RANBP17: variants seen among roughly 807,000 people sequenced by gnomAD.
The protein encoded by RANBP17 is ran-binding protein 17.
RANBP17 carries 158 observed loss-of-function variants against 141.2 expected under a neutral mutation model. The observed-to-expected ratio is 1.12, with a 90% confidence interval of 0.98 to 1.28. The LOEUF (loss-of-function observed/expected upper bound fraction) is 1.28, where lower values mean the gene tolerates loss of function less well. RANBP17 is among the 50% of genes most tolerant of loss of function. The pLI is 0.00. For missense variants in RANBP17, 1,438 were observed against 1,290.7 expected (o/e 1.11, Z -1.75); for synonymous variants, 430 against 450.0 (o/e 0.96, Z 0.56).
chr5:170,971,519 T>C (rs568591887), intron 14 of RANBP17, among the ~76,000 whole-genome samples: 3 of 152,316 alleles, frequency 2.0e-5, no homozygotes, highest in South Asian at 4.1e-4. Context: ...CTGACCACTT[T>C]GGTATATTGC....
Position 171,056,196 on chromosome 5 carries a change from C to T in RANBP17, c.1710+87819C>T, listed in dbSNP as rs192773618. Reference sequence around the variant, plus strand: ...TCCATGCAGTTAACTCCTGTCCTGACTTATCATCACCAACATTTCAGCTCT... The same window carrying T: ...TCCATGCAGTTAACTCCTGTCCTGATTTATCATCACCAACATTTCAGCTCT... On this transcript the variant is annotated intron_variant, in intron 14 of 27. Coordinates refer to ENST00000523189, the MANE Select transcript of RANBP17 (RefSeq NM_022897.5). 1.3e-3 allele frequency among the ~76,000 whole-genome samples: 201 copies of T among 152,300 alleles called. 4 individuals carry two copies. Among genetic ancestry groups the T allele is most frequent in the East Asian group, 1.3e-3 (7 of 5,190 alleles).
intron 14 of RANBP17, among the ~76,000 whole-genome samples, chr5:171,035,737 G>GTTTT (rs781327156): frequency 3.1e-5 from 3 of 95,394 alleles, no homozygotes; most frequent in Non-Finnish European, 4.9e-5. Flanking sequence ...TTCTTTTTTT[G>GTTTT]TTTTTTTTTT....
chr5:171,122,671 G>A (rs1240611987), intron 14 of RANBP17, among the ~76,000 whole-genome samples: 1 of 152,190 alleles, frequency 6.6e-6, no homozygotes, highest in East Asian at 1.9e-4. Context: ...CCTAGCCATT[G>A]GAGTGCCCCT....
chr5:170,995,833 T>C (rs886558978), intron 14 of RANBP17, among the ~76,000 whole-genome samples: 2 of 152,176 alleles, frequency 1.3e-5, no homozygotes. Context: ...TAAATGTTTT[T>C]AAACATCACT....
Position 170,909,779 on chromosome 5 carries a change from T to A in RANBP17, c.594+14T>A. On this transcript the variant is annotated intron_variant, in intron 6 of 27. Transcript: ENST00000523189. ...CTTTTAAAAGAGGTAAGTTATTTGA[T>A]AATTCAACTTCCTAGTTAGAATATT... 2 of 1,197,832 alleles carry A rather than the reference T, an allele frequency of 1.7e-6. No individual in the cohort carries two copies. The highest frequency in any genetic ancestry group is 2.5e-6 in the Non-Finnish European group (2 of 810,222). The allele number at this position is 1,197,832 out of a possible 1,614,324, so 74.2% of individuals were successfully genotyped here. A position where few individuals can be genotyped will look rare whatever the true frequency, so the allele number is the denominator to read the frequency against.
intron 20 of RANBP17, 119 bp from the exon 21 acceptor site, chr5:171,213,512 A>G (rs183141265): frequency 3.1e-5 from 22 of 713,002 alleles, no homozygotes; most frequent in Non-Finnish European, 1.7e-5. Context: ...CATAGAACAA[A>G]TTAGTATAAA....
chr5:171,208,661 A>G (rs939649362), intron 20 of RANBP17, among the ~76,000 whole-genome samples: 1 of 152,228 alleles, frequency 6.6e-6, no homozygotes, highest in African/African-American at 2.4e-5. Context: ...AACAAGATAC[A>G]TAGAGGAGCA....
At chr5:171,281,418 C>T (rs1310926946) in intron 25 of RANBP17, among the ~76,000 whole-genome samples, 1 of 152,162 alleles carries the variant, frequency 6.6e-6, no homozygotes, top group Non-Finnish European at 1.5e-5. Flanking sequence ...GGTCAGGGAA[C>T]TAAAAGCATC....
intron 25 of RANBP17, among the ~76,000 whole-genome samples, chr5:171,277,737 C>T (rs1767610109): frequency 7.0e-6 from 1 of 142,354 alleles, no homozygotes; most frequent in Non-Finnish European, 1.5e-5. Context: ...GTAATTATAG[C>T]TCTGAGAAGT....
chr5:170,948,305 G>A (rs943127893), intron 12 of RANBP17, among the ~76,000 whole-genome samples: 1 of 152,106 alleles, frequency 6.6e-6, no homozygotes, highest in Non-Finnish European at 1.5e-5. Flanking sequence ...GATAATATGT[G>A]AAGGGTATAA....
chr5:170,930,915 G>T (rs1417127061), intron 12 of RANBP17, among the ~76,000 whole-genome samples: 1 of 152,090 alleles, frequency 6.6e-6, no homozygotes, highest in Non-Finnish European at 1.5e-5. Context: ...TAATCATTTG[G>T]GTATATGCCC....
At chr5:170,932,081 A>T (rs568978510) in intron 12 of RANBP17, among the ~76,000 whole-genome samples, 1 of 151,818 alleles carries the variant, frequency 6.6e-6, no homozygotes, top group Admixed American at 6.6e-5. Flanking sequence ...CTTTTATTTC[A>T]CTGAGCAGTG....
intron 19 of RANBP17, among the ~76,000 whole-genome samples, chr5:171,201,857 G>A (rs545162025): frequency 1.3e-5 from 2 of 152,324 alleles, no homozygotes; most frequent in South Asian, 4.1e-4. Context: ...ACATGCAAAA[G>A]TGCTTTCAGG....
At chr5:171,174,972 C>G (rs1219213011) in intron 16 of RANBP17, among the ~76,000 whole-genome samples, 2 of 151,918 alleles carry the variant, frequency 1.3e-5, no homozygotes, top group African/African-American at 2.4e-5. Flanking sequence ...CCCTACAGGC[C>G]CTGGTGTGTG....
At chr5:171,028,994 G>T in intron 14 of RANBP17, 1 of 1,231,034 alleles carries the variant, frequency 8.1e-7, no homozygotes, top group South Asian at 1.3e-5. Context: ...GTCCAGGTGA[G>T]GGCAAGTCAG....
chr5:171,210,468 T>C (rs10074614), intron 20 of RANBP17, among the ~76,000 whole-genome samples: 82,443 of 152,012 alleles, frequency 0.54, 23,940 homozygotes, highest in Middle Eastern at 0.71. Context: ...AATGCCATTA[T>C]AGGATGCCTT....
chr5:171,048,243 A>T (rs1051837503), intron 14 of RANBP17, among the ~76,000 whole-genome samples: 5 of 152,048 alleles, frequency 3.3e-5, no homozygotes, highest in African/African-American at 1.2e-4. Flanking sequence ...TATTTTTTGT[A>T]GAGACATCTT....
intron 13 of RANBP17, among the ~76,000 whole-genome samples, chr5:170,960,748 C>T (rs950418800): frequency 5.3e-5 from 8 of 152,246 alleles, no homozygotes; most frequent in South Asian, 4.1e-4. Context: ...TATGCAATGA[C>T]GTCATTGTTT....
chr5:171,041,399 A>C (rs2127635231), intron 14 of RANBP17, among the ~76,000 whole-genome samples: 1 of 152,302 alleles, frequency 6.6e-6, no homozygotes, highest in South Asian at 2.1e-4. Flanking sequence ...ATAAATACAA[A>C]ATATACATAA....
Sources: allele counts gnomAD v4.1 joint callset (sites outside exome capture counted in the v4.1 genomes callset), GRCh38; gene constraint gnomAD v4.1.1; transcripts MANE v1.5; gene names NCBI Gene and HGNC (gene_info 2026-07-23, HGNC 2026-07-21).